LINGO2: variants seen among roughly 807,000 people sequenced by gnomAD.
The protein encoded by LINGO2 is leucine rich repeat and Ig domain containing 2, also known as leucine-rich repeat and immunoglobulin-like domain-containing nogo receptor-interacting protein 2.
Under a neutral mutation model 30.6 loss-of-function variants are expected in LINGO2, and 14 were observed. The ratio of observed to expected loss-of-function variants is 0.46; its 90% confidence interval spans 0.30 to 0.72. LINGO2 has a LOEUF of 0.72. Ranked by LOEUF, LINGO2 falls within the 30% of genes least tolerant of loss-of-function variation. LINGO2 has a pLI of 0.07. For missense variants in LINGO2, 729 were observed against 751.7 expected (o/e 0.97, Z 0.35); for synonymous variants, 317 against 288.5 (o/e 1.10, Z -1.00).
At chr9:28,695,811 T>A in the LINGO2 span, among the ~76,000 whole-genome samples, 1 of 151,772 alleles carries the variant, frequency 6.6e-6, no homozygotes, top group Non-Finnish European at 1.5e-5. Flanking sequence ...TTCTGAATCA[T>A]TTGCTTTTTT....
intron 5 of LINGO2, among the ~76,000 whole-genome samples, chr9:27,995,036 T>G (rs1022506010): frequency 6.6e-6 from 1 of 152,032 alleles, no homozygotes; most frequent in Non-Finnish European, 1.5e-5. Flanking sequence ...CTCCTGGTAA[T>G]GAAACAAAGA....
the LINGO2 span, among the ~76,000 whole-genome samples, chr9:28,942,921 T>TA: frequency 6.6e-6 from 1 of 152,120 alleles, no homozygotes; most frequent in Non-Finnish European, 1.5e-5. Context: ...CTAAGAGGCT[T>TA]AAGGGAATTA....
chr9:28,689,336 G>C, the LINGO2 span, among the ~76,000 whole-genome samples: 2 of 151,942 alleles, frequency 1.3e-5, no homozygotes, highest in African/African-American at 4.8e-5. Context: ...CTTGGAAGTG[G>C]ATCTTCCCCA....
the LINGO2 span, among the ~76,000 whole-genome samples, chr9:28,807,110 C>T: frequency 6.6e-6 from 1 of 151,858 alleles, no homozygotes; most frequent in Admixed American, 6.6e-5. Flanking sequence ...CTGCAAGCTC[C>T]GCCTCCCAGA....
intron 4 of LINGO2, among the ~76,000 whole-genome samples, chr9:28,206,218 A>C (rs753804771): frequency 2.0e-4 from 30 of 151,280 alleles, no homozygotes; most frequent in Non-Finnish European, 3.4e-4. Flanking sequence ...ATATCTCAGG[A>C]ATTTGAGTGT....
chr9:28,279,007 T>C (rs919710045), intron 4 of LINGO2, among the ~76,000 whole-genome samples: 1 of 152,132 alleles, frequency 6.6e-6, no homozygotes, highest in African/African-American at 2.4e-5. Context: ...CCAGTTCTCA[T>C]GGATGACTTT....
In LINGO2 at chr9:28,302,178, C is replaced by T. The variant is rs767655089; in HGVS notation, c.-245-6812G>A. On this transcript the variant is annotated intron_variant, in intron 3 of 5. Coordinates refer to ENST00000379992, the Ensembl canonical transcript of LINGO2. Reference sequence around the variant, plus strand: ...AAGCAGCCATATAAACAAGCTAATGCAATCAAGTTTTTATTGGTGTAAGGC... The same window carrying T: ...AAGCAGCCATATAAACAAGCTAATGTAATCAAGTTTTTATTGGTGTAAGGC... 5.3e-5 allele frequency among the ~76,000 whole-genome samples: 8 copies of T among 152,228 alleles called. No individual in the cohort carries two copies. In the South Asian group the frequency reaches 1.7e-3, roughly 32 times the overall value.
chr9:28,189,675 GGA>G (rs1819735866), intron 4 of LINGO2, among the ~76,000 whole-genome samples: 1 of 83,438 alleles, frequency 1.2e-5, no homozygotes, highest in Non-Finnish European at 2.7e-5. Flanking sequence ...AAGGGAGGAA[GGA>G]AGGAAGGGAG....
the LINGO2 span, among the ~76,000 whole-genome samples, chr9:29,063,706 T>C: frequency 6.6e-6 from 1 of 152,104 alleles, no homozygotes; most frequent in Admixed American, 6.6e-5. Context: ...CGGCCCTGAT[T>C]CCACATATTT....
At chr9:28,301,539 G>A (rs1165160232) in intron 3 of LINGO2, among the ~76,000 whole-genome samples, 5 of 152,162 alleles carry the variant, frequency 3.3e-5, no homozygotes, top group Admixed American at 2.6e-4. Flanking sequence ...TGGAGATTCT[G>A]AAGATGACAC....
the LINGO2 span, among the ~76,000 whole-genome samples, chr9:29,051,591 G>A: frequency 6.6e-6 from 1 of 152,070 alleles, no homozygotes; most frequent in African/African-American, 2.4e-5. Context: ...CATAGGCTGG[G>A]ACATCATTAA....
At chr9:28,052,059 A>ATATG (rs1178241634) in intron 4 of LINGO2, among the ~76,000 whole-genome samples, 1 of 152,060 alleles carries the variant, frequency 6.6e-6, no homozygotes, top group African/African-American at 2.4e-5. Context: ...TATCACTTTG[A>ATATG]TATGCTAAGG....
the LINGO2 span, among the ~76,000 whole-genome samples, chr9:28,857,434 C>A: frequency 6.6e-6 from 1 of 151,974 alleles, no homozygotes; most frequent in Non-Finnish European, 1.5e-5. Flanking sequence ...CATACTGGGG[C>A]AACTGGGGTG....
intron 3 of LINGO2, among the ~76,000 whole-genome samples, chr9:28,306,949 C>G (rs1032868710): frequency 6.8e-4 from 104 of 152,042 alleles, no homozygotes; most frequent in Non-Finnish European, 1.3e-3. Flanking sequence ...AGCTTACCAA[C>G]CAAAAAGAGT....
chr9:28,772,563 A>G, the LINGO2 span, among the ~76,000 whole-genome samples: 2 of 152,224 alleles, frequency 1.3e-5, no homozygotes, highest in Non-Finnish European at 1.5e-5. Flanking sequence ...GCAGTTATTG[A>G]TATTACTAAA....
chr9:29,112,216 G>T, the LINGO2 span, among the ~76,000 whole-genome samples: 2 of 141,280 alleles, frequency 1.4e-5, no homozygotes, highest in African/African-American at 5.3e-5. Context: ...ATTGCTCAGA[G>T]CAATTAAGAA....
chr9:28,841,967 A>C, the LINGO2 span, among the ~76,000 whole-genome samples: 1 of 151,780 alleles, frequency 6.6e-6, no homozygotes, highest in African/African-American at 2.4e-5. Flanking sequence ...CATTCTATTG[A>C]ATCATGTGTC....
At chr9:28,269,405 G>T (rs1360428792) in intron 4 of LINGO2, among the ~76,000 whole-genome samples, 2 of 152,010 alleles carry the variant, frequency 1.3e-5, no homozygotes, top group Admixed American at 6.6e-5. Flanking sequence ...CCTATAGATT[G>T]AATACATCTC....
the LINGO2 span, among the ~76,000 whole-genome samples, chr9:29,061,335 A>G: frequency 6.6e-6 from 1 of 152,024 alleles, no homozygotes; most frequent in South Asian, 2.1e-4. Flanking sequence ...GAAAAAAATT[A>G]TATTCTAGGA....
Sources: allele counts gnomAD v4.1 joint callset (sites outside exome capture counted in the v4.1 genomes callset), GRCh38; gene constraint gnomAD v4.1.1; transcripts MANE v1.5; gene names NCBI Gene and HGNC (gene_info 2026-07-23, HGNC 2026-07-21).